TANC1: variants seen among roughly 807,000 people sequenced by gnomAD.
TANC1 encodes the protein protein TANC1.
A neutral mutation model predicts 149.7 loss-of-function variants in TANC1; 77 were observed. The observed-to-expected ratio is 0.51, with a 90% confidence interval of 0.43 to 0.62. TANC1 has a LOEUF of 0.62. TANC1 is among the 20% of genes least tolerant of loss of function. The pLI, the probability that TANC1 is intolerant of heterozygous loss-of-function variation, is 0.00. For synonymous variants in TANC1, 854 were observed against 925.0 expected (o/e 0.92, Z 1.39); for missense variants, 1,985 against 2,321.8 (o/e 0.85, Z 2.98).
At chr2:159,015,648 G>A (rs895087033) in intron 2 of TANC1, among the ~76,000 whole-genome samples, 1 of 152,096 alleles carries the variant, frequency 6.6e-6, no homozygotes, top group Admixed American at 6.5e-5. Flanking sequence ...GCCTTTAATA[G>A]CACCCAGGTA....
intron 2 of TANC1, among the ~76,000 whole-genome samples, chr2:159,012,475 T>A (rs978930722): frequency 6.6e-6 from 1 of 151,928 alleles, no homozygotes; most frequent in Non-Finnish European, 1.5e-5. Context: ...GATGGAAGAC[T>A]TCATGTAAAC....
At chr2:159,007,699 C>T (rs756910981) in intron 2 of TANC1, among the ~76,000 whole-genome samples, 3 of 152,190 alleles carry the variant, frequency 2.0e-5, no homozygotes, top group Admixed American at 6.5e-5. Context: ...ATAAGTGATG[C>T]GTAACTGTAT....
chr2:159,012,774 T>C (rs2037893106), intron 2 of TANC1, among the ~76,000 whole-genome samples: 1 of 152,184 alleles, frequency 6.6e-6, no homozygotes, highest in South Asian at 2.1e-4. Flanking sequence ...AAAAATAAAA[T>C]GACCTAAATA....
At chr2:159,159,409 C>T (rs1409989263) in intron 7 of TANC1, among the ~76,000 whole-genome samples, 1 of 148,396 alleles carries the variant, frequency 6.7e-6, no homozygotes, top group Non-Finnish European at 1.5e-5. Context: ...CACTGCACTC[C>T]AGCCTGGGCA....
intron 2 of TANC1, among the ~76,000 whole-genome samples, chr2:159,050,052 G>A (rs1240056407): frequency 6.6e-6 from 1 of 152,190 alleles, no homozygotes; most frequent in African/African-American, 2.4e-5. Flanking sequence ...GGGTGCTTGG[G>A]AGTGCAGCAT....
chr2:159,021,766 T>C (rs1462207974), intron 2 of TANC1, among the ~76,000 whole-genome samples: 2 of 152,188 alleles, frequency 1.3e-5, no homozygotes, highest in Non-Finnish European at 2.9e-5. Context: ...TGGTTAAATT[T>C]TTTTCTCAAA....
At chr2:159,008,134 A>G (rs2037401765) in intron 2 of TANC1, among the ~76,000 whole-genome samples, 2 of 152,238 alleles carry the variant, frequency 1.3e-5, no homozygotes, top group Non-Finnish European at 2.9e-5. Flanking sequence ...TTTTATTTCA[A>G]GAGAAAGTAG....
chr2:159,063,389 G>A (rs1282569110), intron 2 of TANC1, among the ~76,000 whole-genome samples: 2 of 152,204 alleles, frequency 1.3e-5, no homozygotes, highest in African/African-American at 2.4e-5. Flanking sequence ...GGCATAGCCT[G>A]TATGTCCATT....
At chr2:159,038,421 TCTTG>T (rs2040375083) in intron 2 of TANC1, among the ~76,000 whole-genome samples, 1 of 152,218 alleles carries the variant, frequency 6.6e-6, no homozygotes, top group Non-Finnish European at 1.5e-5. Flanking sequence ...GGCATCCCTG[TCTTG>T]TGGGAGTTTT....
chr2:159,152,815 G>A (rs1337283233), intron 7 of TANC1, among the ~76,000 whole-genome samples: 3 of 152,126 alleles, frequency 2.0e-5, no homozygotes, highest in African/African-American at 7.2e-5. Flanking sequence ...CCACCCATTC[G>A]TTTATTTCTC....
At chr2:158,997,015 CTG>C (rs879263910) in intron 1 of TANC1, among the ~76,000 whole-genome samples, 7 of 151,158 alleles carry the variant, frequency 4.6e-5, no homozygotes, top group Non-Finnish European at 7.4e-5. Context: ...GCTTTACAGA[CTG>C]TGGGAAAAGA....
intron 4 of TANC1, among the ~76,000 whole-genome samples, chr2:159,126,466 A>G (rs896970483): frequency 6.6e-6 from 1 of 152,216 alleles, no homozygotes; most frequent in African/African-American, 2.4e-5. Flanking sequence ...TACCTCAAAT[A>G]TCATCAATTT....
At chr2:159,182,214 AAAG>A (rs1371876891) in intron 14 of TANC1, among the ~76,000 whole-genome samples, 2 of 151,668 alleles carry the variant, frequency 1.3e-5, no homozygotes, top group Non-Finnish European at 2.9e-5. Context: ...TCTCAAAAAA[AAAG>A]AAAGAGTTTT....
rs35562743 is a variant in TANC1, at chr2:159,101,518, GT to G, written c.259+3694del. On this transcript the variant is annotated intron_variant, in intron 4 of 26. Transcript: ENST00000263635. ...TCTGCCACCTTCCTCCATTTATTTG[GT>G]TTTTTTTTTCATTGTTAGAAGATTG... Among the ~76,000 whole-genome samples the G allele has an allele frequency of 4.3e-3, 630 of 146,328 alleles. 2 individuals carry two copies. Among genetic ancestry groups the G allele is most frequent in the African/African-American group, 6.9e-3 (276 of 39,848 alleles).
intron 4 of TANC1, among the ~76,000 whole-genome samples, chr2:159,130,573 G>A (rs1164550908): frequency 6.6e-6 from 1 of 152,178 alleles, no homozygotes; most frequent in African/African-American, 2.4e-5. Flanking sequence ...GATGGCTCCT[G>A]ACTGTGTGGC....
chr2:159,160,082 G>A (rs577069865), intron 7 of TANC1, among the ~76,000 whole-genome samples: 22 of 152,270 alleles, frequency 1.4e-4, no homozygotes, highest in African/African-American at 5.3e-4. Context: ...TAAACGGAAT[G>A]TAACACTAAA....
chr2:159,158,556 T>C (rs866399363), intron 7 of TANC1, among the ~76,000 whole-genome samples: 2 of 152,302 alleles, frequency 1.3e-5, no homozygotes, highest in African/African-American at 4.8e-5. Context: ...TTAAGGATCA[T>C]TACTTAATTC....
intron 19 of TANC1, among the ~76,000 whole-genome samples, chr2:159,211,541 G>A (rs1399689359): frequency 2.0e-5 from 3 of 152,156 alleles, no homozygotes; most frequent in African/African-American, 7.2e-5. Context: ...ACCAGAGGTC[G>A]GCCTTTGCAG....
chr2:159,172,906 C>T lies in TANC1; in HGVS notation c.1503+634C>T, dbSNP rs941687948. Among the ~76,000 whole-genome samples the T allele has an allele frequency of 2.0e-5, 3 of 152,172 alleles. No individual in the cohort carries two copies. The East Asian group carries it at 5.8e-4, about 29-fold the overall frequency. On this transcript the variant is annotated intron_variant, in intron 11 of 26. Transcript: ENST00000263635. ...GGAGCTGGAGAGCTGCTGGAGCCAG[C>T]AGCCATGGGGACACCTTGTGAGGAG...
Sources: gnomAD v4.1 joint callset for allele counts (sites outside exome capture counted in the v4.1 genomes callset) on GRCh38, gnomAD v4.1.1 for gene constraint, MANE v1.5 for transcripts, NCBI Gene and HGNC (gene_info 2026-07-23, HGNC 2026-07-21) for gene names.